The following CTNNA2 variants were observed in gnomAD, a reference collection of about 807,000 sequenced individuals.
CTNNA2 encodes catenin alpha 2.
In CTNNA2, 42 loss-of-function variants were observed where a neutral mutation model predicts 101.0. The ratio of observed to expected loss-of-function variants is 0.42; its 90% CI spans 0.32 to 0.54. CTNNA2 has a LOEUF of 0.54. Among genes scored for constraint, CTNNA2 ranks in the 20% least tolerant of loss-of-function variants. The probability of loss-of-function intolerance (pLI) is 0.14; values close to 1 mark genes in which losing one functional copy is unlikely to be tolerated. For missense variants in CTNNA2, 871 were observed against 1,223.1 expected, an observed-to-expected ratio of 0.71 and a Z score of 4.29; for synonymous variants, 450 against 456.4, an observed-to-expected ratio of 0.99 and a Z score of 0.18.
intron 7 of CTNNA2, among the ~76,000 whole-genome samples, chr2:80,058,288 T>C (rs1697358946): frequency 1.3e-5 from 2 of 152,250 alleles, no homozygotes; most frequent in African/African-American, 4.8e-5. Flanking sequence ...TTTTTATTTT[T>C]AGTTTACAGA....
intron 9 of CTNNA2, among the ~76,000 whole-genome samples, chr2:80,459,858 T>G (rs1684280681): frequency 6.6e-6 from 1 of 152,134 alleles, no homozygotes; most frequent in Non-Finnish European, 1.5e-5. Flanking sequence ...TTTGTAGGCT[T>G]GGTGTAAGCA....
intron 2 of CTNNA2, among the ~76,000 whole-genome samples, chr2:79,271,045 G>T (rs1675069777): frequency 6.6e-6 from 1 of 152,102 alleles, no homozygotes; most frequent in Admixed American, 6.6e-5. Context: ...TGACTTTGGA[G>T]CCATGGCATG....
chr2:79,804,186 C>T (rs960816115), intron 3 of CTNNA2, among the ~76,000 whole-genome samples: 1 of 152,102 alleles, frequency 6.6e-6, no homozygotes, highest in Non-Finnish European at 1.5e-5. Context: ...AATTTTAGCA[C>T]ATTTTTGTAT....
chr2:79,794,687 G>C (rs929711861), intron 3 of CTNNA2, among the ~76,000 whole-genome samples: 1 of 152,122 alleles, frequency 6.6e-6, no homozygotes, highest in African/African-American at 2.4e-5. Context: ...TACTTATCTT[G>C]AATAACTGAA....
chr2:79,317,537 G>T (rs1485911851), intron 3 of CTNNA2, among the ~76,000 whole-genome samples: 1 of 152,016 alleles, frequency 6.6e-6, no homozygotes, highest in African/African-American at 2.4e-5. Flanking sequence ...AATGTGGGAT[G>T]AACTGAATTG....
chr2:79,775,369 G>T (rs1673883495), intron 3 of CTNNA2, among the ~76,000 whole-genome samples: 1 of 151,834 alleles, frequency 6.6e-6, no homozygotes, highest in Non-Finnish European at 1.5e-5. Context: ...GTACATTTTG[G>T]CATCATTGAT....
chr2:79,623,682 T>C (rs1679131202), intron 1 of CTNNA2, among the ~76,000 whole-genome samples: 1 of 152,200 alleles, frequency 6.6e-6, no homozygotes, highest in Non-Finnish European at 1.5e-5. Flanking sequence ...TGATGTCCCC[T>C]ATTTTAAGAA....
chr2:79,205,711 T>TCTC (rs1478851330), intron 2 of CTNNA2, among the ~76,000 whole-genome samples: 1 of 152,144 alleles, frequency 6.6e-6, no homozygotes, highest in Admixed American at 6.5e-5. Flanking sequence ...TGAAACCATT[T>TCTC]CTCCATTGCC....
chr2:79,200,967 A>G (rs912453092), intron 2 of CTNNA2, among the ~76,000 whole-genome samples: 2 of 152,176 alleles, frequency 1.3e-5, no homozygotes, highest in African/African-American at 2.4e-5. Flanking sequence ...AGATGTCAGA[A>G]CCTTAGCTAT....
At chr2:79,664,810 C>T (rs1682293166) in intron 2 of CTNNA2, among the ~76,000 whole-genome samples, 1 of 143,884 alleles carries the variant, frequency 7.0e-6, no homozygotes. Flanking sequence ...CTCCCAGGTT[C>T]ATGCCATTCT....
At chr2:80,336,252 G>A (rs1047479329) in intron 7 of CTNNA2, among the ~76,000 whole-genome samples, 2 of 152,076 alleles carry the variant, frequency 1.3e-5, no homozygotes, top group South Asian at 2.1e-4. Context: ...AGGGTGAAGG[G>A]GGCAAAGCAG....
chr2:79,486,672 C>G (rs982324653), intron 4 of CTNNA2, among the ~76,000 whole-genome samples: 3 of 152,184 alleles, frequency 2.0e-5, no homozygotes, highest in African/African-American at 7.2e-5. Context: ...AATGATTGAA[C>G]TAGTTTACAG....
chr2:79,327,158 G>C (rs776443329), intron 3 of CTNNA2, among the ~76,000 whole-genome samples: 10 of 152,136 alleles, frequency 6.6e-5, no homozygotes, highest in Non-Finnish European at 1.0e-4. Flanking sequence ...ATCTTTGGTA[G>C]CCTGTCTTAG....
At chr2:79,745,392 C>T (rs1365235838) in intron 3 of CTNNA2, among the ~76,000 whole-genome samples, 1 of 151,674 alleles carries the variant, frequency 6.6e-6, no homozygotes, top group Non-Finnish European at 1.5e-5. Context: ...GATCGCGCCG[C>T]TGCACTCCAG....
chr2:80,483,635 C>T (rs2149504017), intron 9 of CTNNA2, among the ~76,000 whole-genome samples: 1 of 152,102 alleles, frequency 6.6e-6, no homozygotes, highest in South Asian at 2.1e-4. Flanking sequence ...TTTGAATTTA[C>T]AAATAAGTCC....
At chr2:79,607,133 G>C (rs950804386) in intron 1 of CTNNA2, among the ~76,000 whole-genome samples, 1 of 152,056 alleles carries the variant, frequency 6.6e-6, no homozygotes, top group African/African-American at 2.4e-5. Context: ...ATGACTACAC[G>C]AATATTAGAA....
rs548224870 is a variant in CTNNA2 at position 79,412,543 on chromosome 2, G to A, written c.-135+38530G>A. Among the ~76,000 whole-genome samples the A allele has an allele frequency of 4.9e-3, 745 of 150,534 alleles. 9 individuals are homozygous for A. The highest frequency in any genetic ancestry group is 0.017 in the African/African-American group (692 of 40,944). On this transcript the variant is annotated intron_variant, in intron 4 of 21. Transcript: ENST00000466387. ...AAAAGAACAGAAATTATAACAAACT[G>A]TCTCTCAGACCACAGTGCAATCAAA... is the stretch of plus-strand genomic sequence containing the variant.
rs138577297 is a variant in CTNNA2 at position 79,998,371 on chromosome 2, C to T, written c.1056+88574C>T. On this transcript the variant is annotated intron_variant, in intron 7 of 18. Transcript: ENST00000402739. ...AATCAGATAATTCTTAAATGATAGA[C>T]AATGAATAATGTTTTGAGAGCTCAG... 3.6e-3 allele frequency among the ~76,000 whole-genome samples: 551 copies of T among 152,170 alleles called. 2 individuals are homozygous for T. The highest frequency in any genetic ancestry group is 0.013 in the African/African-American group (528 of 41,514).
chr2:79,847,439 G>A (rs1574119974), intron 3 of CTNNA2, among the ~76,000 whole-genome samples: 1 of 150,868 alleles, frequency 6.6e-6, no homozygotes, highest in Non-Finnish European at 1.5e-5. Context: ...GCTACTCAGG[G>A]GGCTGAGGCA....
Sources: gnomAD v4.1 joint callset for allele counts (sites outside exome capture counted in the v4.1 genomes callset) on GRCh38, gnomAD v4.1.1 for gene constraint, MANE v1.5 for transcripts, NCBI Gene and HGNC (gene_info 2026-07-23, HGNC 2026-07-21) for gene names.